Variants in AGPAT4 observed in about 807,000 individuals in gnomAD.
AGPAT4 encodes 1-acyl-sn-glycerol-3-phosphate acyltransferase delta.
Under a neutral mutation model 48.0 loss-of-function variants are expected in AGPAT4, and 15 were observed. The observed-to-expected ratio is 0.31, with a 90% CI of 0.21 to 0.48. AGPAT4 has a LOEUF of 0.48. Among genes scored for constraint, AGPAT4 ranks in the 20% least tolerant of loss-of-function variants. The pLI is 0.99. For missense variants in AGPAT4, 314 were observed against 482.5 expected (o/e 0.65, Z 3.27); for synonymous variants, 178 against 198.7 (o/e 0.90, Z 0.88).
chr6:161,210,808 C>A (rs890444622), intron 2 of AGPAT4, among the ~76,000 whole-genome samples: 4 of 152,150 alleles, frequency 2.6e-5, no homozygotes, highest in Non-Finnish European at 5.9e-5. Context: ...ATAAACCCAG[C>A]CCAAATCAGA....
rs1474374253 is a variant in AGPAT4, at chr6:161,165,967, G to A, written c.348+281C>T. The A allele has an allele frequency of 2.8e-5, 17 of 606,204 alleles. No individual in the cohort carries two copies. The highest frequency in any genetic ancestry group is 5.5e-5 in the East Asian group (2 of 36,438). 37.6% of individuals were successfully genotyped at this position (606,204 alleles called of 1,614,324 possible). ...TAACTTAGTTTTTAAAAAATGGAGT[G>A]TGGCACATCATCTATTCATGTTGCT... On this transcript the variant is annotated intron_variant, in intron 3 of 8. Coordinates refer to ENST00000320285, the MANE Select transcript of AGPAT4 (RefSeq NM_020133.3). This position sits in a 1 kb window ranked among gnomAD's most constrained non-coding sequence, Gnocchi z 5.5.
At chr6:161,273,139 T>A (rs1783476666) in intron 1 of AGPAT4, among the ~76,000 whole-genome samples, 1 of 152,192 alleles carries the variant, frequency 6.6e-6, no homozygotes, top group South Asian at 2.1e-4. Context: ...GACCACAGGA[T>A]CAATATCTTA....
In AGPAT4 at chr6:161,229,718, T is replaced by C. The variant is rs1021090063; in HGVS notation, c.178+2318A>G. Among the ~76,000 whole-genome samples the C allele has an allele frequency of 6.6e-6, 1 of 152,138 alleles. No homozygotes were observed. Among genetic ancestry groups the C allele is most frequent in the Non-Finnish European group, 1.5e-5 (1 of 68,014 alleles). On this transcript the variant is annotated intron_variant, in intron 2 of 8. Transcript: ENST00000320285. The surrounding 1 kb of genome is among the most constrained non-coding windows in gnomAD (Gnocchi z 6.0). ...CTCCCTTTCTACTGTATTCTCTTTT[T>C]CCAGTAGCCAGGACTCCTCCTCTAG...
At chr6:161,173,062 G>C (rs1450225124) in intron 2 of AGPAT4, among the ~76,000 whole-genome samples, 1 of 152,170 alleles carries the variant, frequency 6.6e-6, no homozygotes, top group African/African-American at 2.4e-5. Flanking sequence ...ATTTGGGTTG[G>C]TTCCAAGTCT....
At chr6:161,257,869 C>T (rs1782987092) in intron 1 of AGPAT4, among the ~76,000 whole-genome samples, 1 of 152,174 alleles carries the variant, frequency 6.6e-6, no homozygotes, top group Non-Finnish European at 1.5e-5. Flanking sequence ...CCATCATATA[C>T]ACAAGGATGT....
rs974212520 is a variant in AGPAT4, at chr6:161,274,030, C to G, written c.-182G>C. ...AGAAATTGCCACTAGTTTATAAGAG[C>G]TGTAAGTCAGCCAACACTGGAAAGA... On this transcript the variant is annotated 5_prime_UTR_variant, in exon 1 of 9. Transcript: ENST00000320285. This position sits in a 1 kb window ranked among gnomAD's most constrained non-coding sequence, Gnocchi z 4.5. 6.6e-6 allele frequency: 1 copy of G among 150,802 alleles called. No individual in the cohort carries two copies. Among genetic ancestry groups the G allele is most frequent in the East Asian group, 2.0e-4 (1 of 5,090 alleles). The allele number at this position is 150,802 out of a possible 1,614,324, so 9.3% of individuals were successfully genotyped here.
chr6:161,205,656 T>C (rs1781359434), intron 2 of AGPAT4, among the ~76,000 whole-genome samples: 1 of 143,340 alleles, frequency 7.0e-6, no homozygotes, highest in African/African-American at 2.6e-5. Flanking sequence ...AGTATACAAC[T>C]TCCCACTGGA....
At chr6:161,188,265 G>A (rs1780826130) in intron 2 of AGPAT4, among the ~76,000 whole-genome samples, 1 of 152,142 alleles carries the variant, frequency 6.6e-6, no homozygotes, top group South Asian at 2.1e-4. Context: ...CTCAGCCTAG[G>A]ACGCCTTAGG....
At chr6:161,150,999 T>TC (rs1282754799) in intron 5 of AGPAT4, among the ~76,000 whole-genome samples, 1 of 152,114 alleles carries the variant, frequency 6.6e-6, no homozygotes, top group Non-Finnish European at 1.5e-5. Flanking sequence ...ACCCACGGGT[T>TC]CCCCAAAGAG....
At position 161,212,269 on chromosome 6, in the gene AGPAT4, A is replaced by G. The variant is rs925098888; in HGVS notation, c.178+19767T>C. On this transcript the variant is annotated intron_variant, in intron 2 of 8. Coordinates refer to ENST00000320285, the MANE Select transcript of AGPAT4 (RefSeq NM_020133.3). This position sits in a 1 kb window ranked among gnomAD's most constrained non-coding sequence, Gnocchi z 6.1. ...TTAGGGCTTATTGTTTGGAACATTA[A>G]GTCTCCTCTCTCAAAGAATGAAGAT... 1.3e-5 allele frequency among the ~76,000 whole-genome samples: 2 copies of G among 152,194 alleles called. No homozygotes were observed. The highest frequency in any genetic ancestry group is 4.8e-5 in the African/African-American group (2 of 41,460).
intron 1 of AGPAT4, among the ~76,000 whole-genome samples, chr6:161,247,672 C>T (rs372607766): frequency 3.9e-5 from 6 of 152,278 alleles, no homozygotes; most frequent in East Asian, 1.9e-4. Context: ...TCTCTCACCA[C>T]GCCTATTCAA....
At chr6:161,253,828 T>C (rs1237885829) in intron 1 of AGPAT4, among the ~76,000 whole-genome samples, 1 of 152,224 alleles carries the variant, frequency 6.6e-6, no homozygotes, top group Non-Finnish European at 1.5e-5. Flanking sequence ...TTAGTTATTT[T>C]AATTGCAAAG....
rs559588997 is a variant in AGPAT4, at chr6:161,146,202, A to G, written c.843+322T>C. Among the ~76,000 whole-genome samples, 6 of 151,640 alleles carry G rather than the reference A, an allele frequency of 4.0e-5. No individual in the cohort carries two copies. The highest frequency in any genetic ancestry group is 3.9e-4 in the Admixed American group (6 of 15,268). ...TCCAGAAGCAATCAAGACCATGTCC[A>G]TTGCTGCGGAGAACATCCACCCCAC... On this transcript the variant is annotated intron_variant, in intron 7 of 8. Coordinates refer to ENST00000320285, the MANE Select transcript of AGPAT4 (RefSeq NM_020133.3). This position sits in a 1 kb window ranked among gnomAD's most constrained non-coding sequence, Gnocchi z 7.1.
Position 161,232,047 on chromosome 6 carries a change from C to T in AGPAT4, c.167G>A (p.Cys56Tyr). The T allele has an allele frequency of 3.7e-6, 6 of 1,613,924 alleles. No individual in the cohort carries two copies. The highest frequency in any genetic ancestry group is 5.1e-6 in the Non-Finnish European group (6 of 1,179,914). The change falls in exon 2 of 9, where the codon TGC (cysteine) becomes TAC (tyrosine). Residue 56 changes from cysteine (C) to tyrosine (Y), a missense_variant. Coordinates refer to ENST00000320285, the MANE Select transcript of AGPAT4 (RefSeq NM_020133.3). This position sits in a 1 kb window ranked among gnomAD's most constrained non-coding sequence, Gnocchi z 6.8. ...FRKINCRLSY[C>Y]ISSQLVMLLE... is the part of the protein sequence containing the mutation. Reference sequence around the variant, plus strand: ...CTTAAGTATCTTACGGCTTGAGATGCAATAGGACAGTCTGCAGTTGATCTT... The same window carrying T: ...CTTAAGTATCTTACGGCTTGAGATGTAATAGGACAGTCTGCAGTTGATCTT...
rs1783097929 is a variant in AGPAT4, at chr6:161,261,476, T to C, written c.-90+12462A>G. Among the ~76,000 whole-genome samples, 1 of 152,162 alleles carries C rather than the reference T, an allele frequency of 6.6e-6. No homozygotes were observed. The highest frequency in any genetic ancestry group is 2.4e-5 in the African/African-American group (1 of 41,432). ...ATAAATATCCATAGAATGAATGAACTGAATGGTCAGTCACATTCACCACAC... is the reference window on the plus strand; with the variant it reads ...ATAAATATCCATAGAATGAATGAACCGAATGGTCAGTCACATTCACCACAC... On this transcript the variant is annotated intron_variant, in intron 1 of 8. Transcript: ENST00000320285. This position sits in a 1 kb window ranked among gnomAD's most constrained non-coding sequence, Gnocchi z 5.3.
At position 161,226,576 on chromosome 6, in the gene AGPAT4, A is replaced by G. The variant is rs540351664; in HGVS notation, c.178+5460T>C. Reference sequence around the variant, plus strand: ...CCAGTTGTTGCCTGGTCAAGTTGACAAACATCAGGAAGCTGCCGCCCTCCA... The same window carrying G: ...CCAGTTGTTGCCTGGTCAAGTTGACGAACATCAGGAAGCTGCCGCCCTCCA... On this transcript the variant is annotated intron_variant, in intron 2 of 8. Transcript: ENST00000320285. This position sits in a 1 kb window ranked among gnomAD's most constrained non-coding sequence, Gnocchi z 6.3. 3.0e-4 allele frequency among the ~76,000 whole-genome samples: 45 copies of G among 152,358 alleles called. No homozygotes were observed. The Middle Eastern group carries it at 0.01, about 35-fold the overall frequency.
Position 161,231,991 on chromosome 6 carries a change from C to A in AGPAT4, c.178+45G>T. The A allele has an allele frequency of 1.9e-6, 3 of 1,578,270 alleles. No individual in the cohort carries two copies. The highest frequency in any genetic ancestry group is 1.7e-5 in the Admixed American group (1 of 59,334). On this transcript the variant is annotated intron_variant, in intron 2 of 8. Transcript: ENST00000320285. The surrounding 1 kb of genome is among the most constrained non-coding windows in gnomAD (Gnocchi z 5.3). ...TATCAAGAGCCATAATTCTGATACA[C>A]ACATCCACAATGGAGACGAAAATAT...
At chr6:161,209,254 C>A (rs1474948336) in intron 2 of AGPAT4, among the ~76,000 whole-genome samples, 1 of 152,140 alleles carries the variant, frequency 6.6e-6, no homozygotes, top group Non-Finnish European at 1.5e-5. Flanking sequence ...GAGGTGATGG[C>A]TGCTTTCTTC....
chr6:161,159,841 C>T lies in AGPAT4; in HGVS notation c.349-5531G>A, dbSNP rs530347176. 3.3e-5 allele frequency among the ~76,000 whole-genome samples: 5 copies of T among 151,832 alleles called. No homozygotes were observed. In the East Asian group the frequency reaches 5.8e-4, roughly 18 times the overall value. On this transcript the variant is annotated intron_variant, in intron 3 of 8. Transcript: ENST00000320285. The surrounding 1 kb of genome is among the most constrained non-coding windows in gnomAD (Gnocchi z 4.1). ...TGTATTGTTAGTAGAGACGGGGTTT[C>T]ACCATGTTGGCTAGTCTGGTCTCGA...
Sources: gnomAD v4.1 joint callset for allele counts (sites outside exome capture counted in the v4.1 genomes callset) on GRCh38, gnomAD v4.1.1 for gene constraint, Gnocchi (gnomAD v3.1) non-coding constraint, MANE v1.5 for transcripts, NCBI Gene and HGNC (gene_info 2026-07-23, HGNC 2026-07-21) for gene names.